The following NECAB1 variants were observed in gnomAD, a reference collection of about 807,000 sequenced individuals.
The protein encoded by NECAB1 is N-terminal EF-hand calcium-binding protein 1.
Under a neutral mutation model 57.5 loss-of-function variants are expected in NECAB1, and 29 were observed. The ratio of observed to expected loss-of-function variants is 0.50; its 90% CI spans 0.38 to 0.69. The LOEUF (loss-of-function observed/expected upper bound fraction) is 0.69, where lower values mean the gene tolerates loss of function less well. Ranked by LOEUF, NECAB1 falls within the 30% of genes least tolerant of loss-of-function variation. The pLI is 0.00. For missense variants in NECAB1, 372 were observed against 413.8 expected (o/e 0.90, Z 0.88); for synonymous variants, 142 against 147.7 (o/e 0.96, Z 0.28).
chr8:90,950,411 A>C (rs144363293), intron 11 of NECAB1, among the ~76,000 whole-genome samples: 4 of 152,346 alleles, frequency 2.6e-5, no homozygotes, highest in African/African-American at 4.8e-5. Context: ...CTTCTTTAAA[A>C]ATTAAAATAA....
chr8:90,941,318 T>C (rs967580390), intron 10 of NECAB1, among the ~76,000 whole-genome samples: 1 of 152,222 alleles, frequency 6.6e-6, no homozygotes, highest in African/African-American at 2.4e-5. Context: ...TGTGGCCTAA[T>C]GACCATTTCA....
At chr8:90,947,747 C>T (rs188973630) in intron 10 of NECAB1, among the ~76,000 whole-genome samples, 5 of 152,252 alleles carry the variant, frequency 3.3e-5, no homozygotes, top group African/African-American at 7.2e-5. Context: ...CATTATTGGA[C>T]AGATAAGGAA....
chr8:90,891,956 A>C (rs1809186237), intron 5 of NECAB1, among the ~76,000 whole-genome samples: 1 of 152,068 alleles, frequency 6.6e-6, no homozygotes, highest in African/African-American at 2.4e-5. Context: ...GGCCTCCCAC[A>C]TTGCTAGGAT....
rs1189664716 is a variant in NECAB1 at position 90,828,700 on chromosome 8, G to A, written c.233+3875G>A. Among the ~76,000 whole-genome samples the A allele has an allele frequency of 2.0e-5, 3 of 151,996 alleles. No individual in the cohort carries two copies. The East Asian group carries it at 5.8e-4, about 29-fold the overall frequency. ...TAAATTGATAGATATTTTTCATTAT[G>A]TTCAGACATTTGGAAAGTTTTCCTG... On this transcript the variant is annotated intron_variant, in intron 3 of 12. Transcript: ENST00000417640.
chr8:90,925,011 C>T (rs1010044682), intron 6 of NECAB1, among the ~76,000 whole-genome samples: 6 of 151,796 alleles, frequency 4.0e-5, no homozygotes, highest in Admixed American at 6.6e-5. Flanking sequence ...CATATCATAA[C>T]ATATACTCAT....
intron 5 of NECAB1, among the ~76,000 whole-genome samples, chr8:90,914,810 C>T (rs1330031080): frequency 6.6e-6 from 1 of 152,138 alleles, no homozygotes; most frequent in Non-Finnish European, 1.5e-5. Flanking sequence ...ATAGCAAATG[C>T]AATAAATTCT....
chr8:90,836,291 A>G (rs996259003), intron 3 of NECAB1, among the ~76,000 whole-genome samples: 1 of 152,198 alleles, frequency 6.6e-6, no homozygotes, highest in Non-Finnish European at 1.5e-5. Context: ...ATATTTTCTG[A>G]TCTCTTAAAA....
At chr8:90,802,291 A>G (rs555732690) in intron 2 of NECAB1, among the ~76,000 whole-genome samples, 106 of 152,342 alleles carry the variant, frequency 7.0e-4, no homozygotes, top group South Asian at 6.2e-4. Context: ...ATCTATAGCA[A>G]CAGAGAAGTA....
chr8:90,870,472 C>T (rs149629997), intron 3 of NECAB1, among the ~76,000 whole-genome samples: 2 of 152,230 alleles, frequency 1.3e-5, no homozygotes, highest in East Asian at 1.9e-4. Context: ...AAAAACTACT[C>T]GGTTTTCTGA....
At chr8:90,950,721 T>C (rs1188077308) in intron 11 of NECAB1, among the ~76,000 whole-genome samples, 1 of 152,174 alleles carries the variant, frequency 6.6e-6, no homozygotes, top group African/African-American at 2.4e-5. Context: ...AGGTAACTTA[T>C]TCGACTCTGC....
At chr8:90,882,925 C>T (rs1190548115) in intron 5 of NECAB1, among the ~76,000 whole-genome samples, 2 of 152,048 alleles carry the variant, frequency 1.3e-5, no homozygotes, top group Non-Finnish European at 2.9e-5. Flanking sequence ...TAAATGAACA[C>T]ACATATAGCT....
chr8:90,921,871 C>G (rs949700101), intron 6 of NECAB1, among the ~76,000 whole-genome samples: 1 of 152,206 alleles, frequency 6.6e-6, no homozygotes, highest in African/African-American at 2.4e-5. Context: ...CGGGGAGAAT[C>G]ACACAGTATC....
At chr8:90,866,184 A>G (rs1363939995) in intron 3 of NECAB1, among the ~76,000 whole-genome samples, 1 of 152,210 alleles carries the variant, frequency 6.6e-6, no homozygotes, top group Non-Finnish European at 1.5e-5. Flanking sequence ...TAATGGAAAC[A>G]TAATCTGCTC....
chr8:90,895,662 TAAAGAG>T (rs1386876020), intron 5 of NECAB1, among the ~76,000 whole-genome samples: 18 of 152,214 alleles, frequency 1.2e-4, no homozygotes, highest in African/African-American at 3.6e-4. Flanking sequence ...ATGTATTTGA[TAAAGAG>T]AAACAGATTA....
chr8:90,880,883 C>T (rs1405501108), intron 4 of NECAB1, 150 bp from the exon 5 acceptor site: 3 of 568,436 alleles, frequency 5.3e-6, no homozygotes, highest in South Asian at 2.3e-5. Flanking sequence ...AGATTGTCAC[C>T]TTATTTAGTC....
In NECAB1 at chr8:90,872,014, C is replaced by T. The variant is rs187176738; in HGVS notation, c.234-114C>T. On this transcript the variant is annotated intron_variant, in intron 3 of 12. Coordinates refer to ENST00000417640, the MANE Select transcript of NECAB1 (RefSeq NM_022351.5). ...ATTTATAAGAGAAATACCTTAACTA[C>T]ATACCATCAATTAATAATATAGCTT... 20 of 764,718 alleles carry T rather than the reference C, an allele frequency of 2.6e-5. No homozygotes were observed. In the East Asian group the frequency reaches 2.8e-4, roughly 11 times the overall value. The allele number at this position is 764,718 out of a possible 1,614,324, so 47.4% of individuals were successfully genotyped here.
chr8:90,856,294 C>G (rs1428280362), intron 3 of NECAB1, among the ~76,000 whole-genome samples: 1 of 151,932 alleles, frequency 6.6e-6, no homozygotes, highest in Non-Finnish European at 1.5e-5. Context: ...CATATAGGTA[C>G]CAGAATGCAT....
chr8:90,880,502 G>A (rs1248483560), intron 4 of NECAB1, among the ~76,000 whole-genome samples: 2 of 148,204 alleles, frequency 1.3e-5, no homozygotes, highest in African/African-American at 5.0e-5. Flanking sequence ...AAGAGTGATA[G>A]ACTTTACTTT....
chr8:90,944,486 T>C (rs1810751893), intron 10 of NECAB1, among the ~76,000 whole-genome samples: 1 of 152,222 alleles, frequency 6.6e-6, no homozygotes, highest in Non-Finnish European at 1.5e-5. Flanking sequence ...ACACACACTA[T>C]TCTTCACTTA....
Sources: gnomAD v4.1 joint callset for allele counts (sites outside exome capture counted in the v4.1 genomes callset) on GRCh38, gnomAD v4.1.1 for gene constraint, MANE v1.5 for transcripts, NCBI Gene and HGNC (gene_info 2026-07-23, HGNC 2026-07-21) for gene names.